LRRC28: variants seen among roughly 807,000 people sequenced by gnomAD.
LRRC28 encodes the protein leucine rich repeat containing 28, also known as leucine-rich repeat-containing protein 28.
In LRRC28, 39 loss-of-function variants were observed where a neutral mutation model predicts 45.7. The ratio of observed to expected loss-of-function variants is 0.85; its 90% CI spans 0.66 to 1.12. LRRC28 has a LOEUF of 1.12. Ranked by LOEUF, LRRC28 falls within the 50% of genes most tolerant of loss-of-function variation. The pLI, the probability that LRRC28 is intolerant of heterozygous loss-of-function variation, is 0.00. For synonymous variants in LRRC28, 206 were observed against 178.8 expected (o/e 1.15, Z -1.22); for missense variants, 435 against 438.5 (o/e 0.99, Z 0.07).
chr15:99,312,838 G>A (rs1295426620), intron 5 of LRRC28, among the ~76,000 whole-genome samples: 1 of 152,110 alleles, frequency 6.6e-6, no homozygotes, highest in Non-Finnish European at 1.5e-5. Flanking sequence ...TGTGGTTCAT[G>A]ACTGTATGAG....
chr15:99,259,110 A>G, intron 2 of LRRC28: 1 of 1,316,396 alleles, frequency 7.6e-7, no homozygotes, highest in South Asian at 1.2e-5. Context: ...GTAATTGAAG[A>G]CCACTCGAAT....
At chr15:99,337,853 T>C (rs2152299200) in intron 6 of LRRC28, 2 of 152,458 alleles carry the variant, frequency 1.3e-5, no homozygotes, top group South Asian at 4.1e-4. Context: ...TTTACTTTAC[T>C]TAAGAAAAGC....
intron 6 of LRRC28, among the ~76,000 whole-genome samples, chr15:99,345,966 C>A (rs1956667230): frequency 6.6e-6 from 1 of 152,096 alleles, no homozygotes; most frequent in Admixed American, 6.5e-5. Context: ...CAGTGACTTA[C>A]TTCTAGGTTA....
intron 5 of LRRC28, among the ~76,000 whole-genome samples, chr15:99,289,524 T>C (rs530441706): frequency 6.6e-6 from 1 of 152,292 alleles, no homozygotes; most frequent in South Asian, 2.1e-4. Flanking sequence ...AATGAAAAAA[T>C]CTATGGTATT....
chr15:99,292,600 A>C (rs1409151050), intron 5 of LRRC28, among the ~76,000 whole-genome samples: 1 of 151,506 alleles, frequency 6.6e-6, no homozygotes, highest in African/African-American at 2.4e-5. Context: ...TCCTGACCTC[A>C]TGATCCACCC....
intron 3 of LRRC28, among the ~76,000 whole-genome samples, chr15:99,283,028 G>C (rs1377009158): frequency 1.3e-5 from 2 of 152,014 alleles, no homozygotes; most frequent in East Asian, 3.9e-4. Flanking sequence ...AGGTAGCTGG[G>C]ATTACAGGCA....
intron 2 of LRRC28, among the ~76,000 whole-genome samples, chr15:99,268,235 T>C (rs2081382360): frequency 1.3e-5 from 2 of 152,198 alleles, no homozygotes; most frequent in Admixed American, 1.3e-4. Context: ...AAAGTCTGTG[T>C]CTGAGTTTTC....
chr15:99,382,457 G>A (rs192194293), intron 9 of LRRC28, among the ~76,000 whole-genome samples: 14 of 152,308 alleles, frequency 9.2e-5, no homozygotes, highest in Admixed American at 3.3e-4. Flanking sequence ...TCTTGGAACC[G>A]CCGAAAATTT....
rs1466838899 is a variant in LRRC28, at chr15:99,352,448, C to A, written c.672C>A (p.Tyr224Ter). The change falls in exon 7 of 10, where the codon TAC becomes TAA. Residue 224 changes from tyrosine to a stop codon, truncating the protein, a stop_gained. Coordinates refer to ENST00000301981, the MANE Select transcript of LRRC28 (RefSeq NM_144598.5). LOFTEE classifies it high-confidence loss of function. ...TGAAAGGCTTGCCATCTTATCTGTA[C>A]AATAAAGTCATCGGGTGCAGTGGGT... is the stretch of plus-strand genomic sequence containing the variant. Reference protein sequence around the residue: ...IHLKGLPSYLYNKVIGCSGCG... With the variant: ...IHLKGLPSYL The A allele has an allele frequency of 6.2e-7, 1 of 1,613,766 alleles. No individual in the cohort carries two copies. The highest frequency in any genetic ancestry group is 1.1e-5 in the South Asian group (1 of 91,058).
chr15:99,302,613 T>C (rs1415924183), intron 5 of LRRC28, among the ~76,000 whole-genome samples: 5 of 152,238 alleles, frequency 3.3e-5, no homozygotes, highest in African/African-American at 4.8e-5. Flanking sequence ...ATTTTACATG[T>C]ACAGTTAATT....
At chr15:99,313,091 A>G (rs1331313668) in intron 5 of LRRC28, among the ~76,000 whole-genome samples, 1 of 152,172 alleles carries the variant, frequency 6.6e-6, no homozygotes, top group East Asian at 1.9e-4. Context: ...AAAAAGAAGG[A>G]AAAAGATATA....
At chr15:99,257,758 G>A (rs1240556092) in intron 2 of LRRC28, 7 of 774,536 alleles carry the variant, frequency 9.0e-6, no homozygotes, top group Non-Finnish European at 1.7e-5. Context: ...CAAGGCTCAA[G>A]GATGGATGAT....
chr15:99,258,888 C>T lies in LRRC28; in HGVS notation c.168+2763C>T, dbSNP rs569327817. The T allele has an allele frequency of 5.9e-5, 42 of 711,060 alleles. No individual in the cohort carries two copies. The East Asian group carries it at 8.0e-4, about 13-fold the overall frequency. The allele number at this position is 711,060 out of a possible 1,614,324, so 44.0% of individuals were successfully genotyped here. ...TTCATCACAGATGACTTCCGTGATACGATGCCTAAGAACCTGAATTTTGTC... is the reference window on the plus strand; with the variant it reads ...TTCATCACAGATGACTTCCGTGATATGATGCCTAAGAACCTGAATTTTGTC... On this transcript the variant is annotated intron_variant, in intron 2 of 9. Coordinates refer to ENST00000301981, the MANE Select transcript of LRRC28 (RefSeq NM_144598.5).
chr15:99,290,638 C>T (rs1410094299), intron 5 of LRRC28, among the ~76,000 whole-genome samples: 3 of 151,898 alleles, frequency 2.0e-5, no homozygotes, highest in Non-Finnish European at 2.9e-5. Context: ...TTTTTACATA[C>T]ATTTAAAGAA....
At chr15:99,294,955 C>A (rs913760189) in intron 5 of LRRC28, among the ~76,000 whole-genome samples, 4 of 152,220 alleles carry the variant, frequency 2.6e-5, no homozygotes, top group African/African-American at 9.6e-5. Context: ...TGTGCCATGG[C>A]CCAAAATATG....
chr15:99,378,049 C>T (rs1002181843), intron 9 of LRRC28, among the ~76,000 whole-genome samples: 1 of 152,064 alleles, frequency 6.6e-6, no homozygotes, highest in Admixed American at 6.5e-5. Context: ...TCCATATGAA[C>T]TTTAAAGTAG....
At chr15:99,369,398 T>C (rs1210065778) in intron 9 of LRRC28, among the ~76,000 whole-genome samples, 2 of 152,150 alleles carry the variant, frequency 1.3e-5, no homozygotes, top group Admixed American at 1.3e-4. Flanking sequence ...ATGACTGATT[T>C]TAAGAAATTG....
At position 99,387,149 on chromosome 15, in the gene LRRC28, C is replaced by G. The variant is rs374659465; in HGVS notation, c.*1047C>G. 10 of 150,120 alleles carry G rather than the reference C, an allele frequency of 6.7e-5. No homozygotes were observed. Among genetic ancestry groups the G allele is most frequent in the Admixed American group, 6.0e-4 (9 of 15,050 alleles). 9.3% of individuals were successfully genotyped at this position (150,120 alleles called of 1,614,324 possible). ...GATCTCGGCTCACTGCAAGCTCCGC[C>G]TCCCGGGTTCACGCCATTCTCCTGC... On this transcript the variant is annotated 3_prime_UTR_variant, in exon 10 of 10. Coordinates refer to ENST00000301981, the MANE Select transcript of LRRC28 (RefSeq NM_144598.5).
intron 6 of LRRC28, among the ~76,000 whole-genome samples, chr15:99,347,102 A>G (rs1956708000): frequency 6.6e-6 from 1 of 152,166 alleles, no homozygotes; most frequent in African/African-American, 2.4e-5. Context: ...CATGTTGTAC[A>G]TTAGATCTCT....
Sources: gnomAD v4.1 joint callset for allele counts (sites outside exome capture counted in the v4.1 genomes callset) on GRCh38, gnomAD v4.1.1 for gene constraint, MANE v1.5 for transcripts, NCBI Gene and HGNC (gene_info 2026-07-23, HGNC 2026-07-21) for gene names.